Variants in SLC37A1 observed in about 807,000 individuals in gnomAD.
SLC37A1 encodes the protein glucose-6-phosphate exchanger SLC37A1.
SLC37A1 carries 49 observed loss-of-function variants against 75.3 expected under a neutral mutation model. The ratio of observed to expected loss-of-function variants is 0.65; its 90% CI spans 0.52 to 0.83. The LOEUF (loss-of-function observed/expected upper bound fraction) is 0.83. Among genes scored for constraint, SLC37A1 ranks in the 40% least tolerant of loss-of-function variants. SLC37A1 has a pLI of 0.00. For synonymous variants in SLC37A1, 268 were observed against 292.1 expected (o/e 0.92, Z 0.84); for missense variants, 566 against 695.0 (o/e 0.81, Z 2.09).
chr21:42,520,957 C>G (rs2054633442), intron 2 of SLC37A1, among the ~76,000 whole-genome samples: 2 of 152,158 alleles, frequency 1.3e-5, no homozygotes, highest in Non-Finnish European at 2.9e-5. Flanking sequence ...CATTGAATAG[C>G]GTAAGATTCG....
In SLC37A1 at chr21:42,535,376, G is replaced by A. The variant is rs186327485; in HGVS notation, c.272-96G>A. 4.3e-5 allele frequency: 46 copies of A among 1,077,602 alleles called. 1 individual carries two copies. In the Admixed American group the frequency reaches 6.5e-4, roughly 15 times the overall value. 66.8% of individuals were successfully genotyped at this position (1,077,602 alleles called of 1,614,324 possible). A position where few individuals can be genotyped will look rare whatever the true frequency, so the allele number is the denominator to read the frequency against. On this transcript the variant is annotated intron_variant, in intron 4 of 19. Transcript: ENST00000352133. ...CCACGCGTTTCACTAAGTACACCCC[G>A]ATTTCGGGAACAGATGCTTTGTGTT...
At chr21:42,572,605 A>G (rs2056204995) in intron 17 of SLC37A1, among the ~76,000 whole-genome samples, 1 of 142,134 alleles carries the variant, frequency 7.0e-6, no homozygotes, top group Non-Finnish European at 1.5e-5. Context: ...CTGCCCTTTC[A>G]GTGCATCCTG....
chr21:42,525,812 G>A lies in SLC37A1; in HGVS notation c.93G>A (p.Leu31=). 1.2e-6 allele frequency: 2 copies of A among 1,614,032 alleles called. No individual in the cohort carries two copies. The highest frequency in any genetic ancestry group is 1.3e-5 in the African/African-American group (1 of 75,002). ...RAFIFILTFL[L]YASFHLSRKP... ...TCATTTTTATTTTGACATTTCTGCT[G>A]TATGCAAGTTTTCACTTATCTCGAA... is the stretch of plus-strand genomic sequence containing the variant. The change falls in exon 3 of 20, where the codon CTG becomes CTA. Residue 31 remains leucine (L), a synonymous_variant. Coordinates refer to ENST00000352133, the MANE Select transcript of SLC37A1 (RefSeq NM_001320537.2).
chr21:42,543,547 G>T lies in SLC37A1; in HGVS notation c.675G>T (p.Val225=), dbSNP rs1343670692. ...CATGCTGGGGCCTGTCCTTCGTCGT[G>T]CCTGGAGCCATCGTGGCAGCCATGG... ...VSTCWGLSFV[V]PGAIVAAMGI... is the part of the protein sequence containing the mutation. Residue 225 remains valine, a synonymous_variant, in exon 8 of 20, where the codon GTG becomes GTT. Transcript: ENST00000352133. 2 of 1,613,370 alleles carry T rather than the reference G, an allele frequency of 1.2e-6. No individual in the cohort carries two copies. Among genetic ancestry groups the T allele is most frequent in the African/African-American group, 1.3e-5 (1 of 74,888 alleles).
chr21:42,557,333 C>T (rs78778086), intron 10 of SLC37A1, among the ~76,000 whole-genome samples: 21,532 of 152,268 alleles, frequency 0.14, 2,191 homozygotes, highest in African/African-American at 0.28. Flanking sequence ...CAAAGCCCCC[C>T]GAGGAGATTC....
chr21:42,538,557 G>C (rs1178087562), intron 5 of SLC37A1, among the ~76,000 whole-genome samples: 1 of 152,214 alleles, frequency 6.6e-6, no homozygotes, highest in African/African-American at 2.4e-5. Context: ...AGAAGAAAGT[G>C]AGACCCATAG....
At chr21:42,574,046 CAT>C (rs1372513382) in intron 17 of SLC37A1, among the ~76,000 whole-genome samples, 21 of 152,136 alleles carry the variant, frequency 1.4e-4, no homozygotes, top group Non-Finnish European at 2.5e-4. Context: ...TGCACACACA[CAT>C]ATATGCACAC....
chr21:42,504,749 C>T (rs2054368731), intron 2 of SLC37A1, among the ~76,000 whole-genome samples: 1 of 152,198 alleles, frequency 6.6e-6, no homozygotes, highest in African/African-American at 2.4e-5. Context: ...CCAGATCCCA[C>T]AAAGAAGCCA....
rs1055477967 is a variant in SLC37A1, at chr21:42,552,844, C to CG, written c.769-1212dup. ...GGCAGCCTCTGCTCACTGCGGGGGA[C>CG]GGGGGGCCGAGTGCTGGGGAGCAGG... On this transcript the variant is annotated intron_variant, in intron 9 of 19. Transcript: ENST00000352133. This position sits in a 1 kb window ranked among gnomAD's most constrained non-coding sequence, Gnocchi z 4.2. 6.6e-6 allele frequency among the ~76,000 whole-genome samples: 1 copy of CG among 152,136 alleles called. No homozygotes were observed. The highest frequency in any genetic ancestry group is 2.4e-5 in the African/African-American group (1 of 41,434).
chr21:42,533,696 G>A (rs1282719889), intron 3 of SLC37A1, among the ~76,000 whole-genome samples: 1 of 152,034 alleles, frequency 6.6e-6, no homozygotes, highest in Non-Finnish European at 1.5e-5. Flanking sequence ...CACAAGGGCC[G>A]TGTCATCCTA....
intron 5 of SLC37A1, among the ~76,000 whole-genome samples, chr21:42,537,194 C>T (rs543349732): frequency 6.6e-6 from 1 of 152,292 alleles, no homozygotes; most frequent in African/African-American, 2.4e-5. Flanking sequence ...GTGTATTTGC[C>T]TCCTGCTGCA....
At chr21:42,534,151 G>A (rs80047756) in intron 3 of SLC37A1, among the ~76,000 whole-genome samples, 4,711 of 152,154 alleles carry the variant, frequency 0.031, 239 homozygotes, top group African/African-American at 0.11. Flanking sequence ...ACCTCTAGCC[G>A]CATGGATTCG....
intron 3 of SLC37A1, among the ~76,000 whole-genome samples, chr21:42,531,175 A>G (rs970489994): frequency 6.6e-6 from 1 of 151,884 alleles, no homozygotes; most frequent in Non-Finnish European, 1.5e-5. Context: ...TCCCAGCCCC[A>G]CCGCCTTCCC....
chr21:42,530,446 C>G (rs1313077270), intron 3 of SLC37A1, among the ~76,000 whole-genome samples: 1 of 152,118 alleles, frequency 6.6e-6, no homozygotes, highest in African/African-American at 2.4e-5. Context: ...GGTACCAAAA[C>G]TGTAATTGCT....
chr21:42,561,137 G>A (rs1471621111), intron 11 of SLC37A1, among the ~76,000 whole-genome samples: 15 of 152,176 alleles, frequency 9.9e-5, no homozygotes, highest in Admixed American at 9.2e-4. Flanking sequence ...ACATCAACTC[G>A]TTTCATTTTA....
intron 18 of SLC37A1, chr21:42,575,512 G>C: frequency 1.0e-6 from 1 of 985,412 alleles, no homozygotes; most frequent in Non-Finnish European, 1.2e-6. Context: ...GTGCCCTCCT[G>C]TGTTGAGAAA....
intron 3 of SLC37A1, among the ~76,000 whole-genome samples, chr21:42,529,137 A>G (rs1053095706): frequency 2.0e-5 from 3 of 152,250 alleles, no homozygotes; most frequent in Admixed American, 6.5e-5. Flanking sequence ...ATGATATTAC[A>G]TGAGAATAGA....
chr21:42,567,482 G>A (rs1012983388), intron 16 of SLC37A1, among the ~76,000 whole-genome samples: 13 of 152,212 alleles, frequency 8.5e-5, no homozygotes, highest in African/African-American at 1.7e-4. Context: ...CTGAGTGTGC[G>A]TGAGCATGCA....
chr21:42,515,467 C>G (rs927712084), intron 1 of SLC37A1, among the ~76,000 whole-genome samples: 1 of 152,134 alleles, frequency 6.6e-6, no homozygotes, highest in Non-Finnish European at 1.5e-5. Context: ...GAACCTTACT[C>G]CTGCTATTGC....
Sources: gnomAD v4.1 joint callset for allele counts (sites outside exome capture counted in the v4.1 genomes callset) on GRCh38, gnomAD v4.1.1 for gene constraint, Gnocchi (gnomAD v3.1) non-coding constraint, MANE v1.5 for transcripts, NCBI Gene and HGNC (gene_info 2026-07-23, HGNC 2026-07-21) for gene names.